Variants in WDPCP observed in about 807,000 individuals in gnomAD.
The protein encoded by WDPCP is WD repeat-containing and planar cell polarity effector protein fritz homolog.
WDPCP carries 71 observed loss-of-function variants against 93.1 expected under a neutral mutation model. The ratio of observed to expected loss-of-function variants is 0.76; its 90% confidence interval spans 0.63 to 0.93. The LOEUF is 0.93. Ranked by LOEUF, WDPCP falls within the 40% of genes least tolerant of loss-of-function variation. The probability of loss-of-function intolerance (pLI) is 0.00; values close to 1 mark genes in which losing one functional copy is unlikely to be tolerated. For synonymous variants in WDPCP, 315 were observed against 315.0 expected (o/e 1.00, Z 0.00); for missense variants, 844 against 887.4 (o/e 0.95, Z 0.62).
rs547296330 is a variant in WDPCP at position 63,825,062 on chromosome 2, C to T, written n.222+2560G>A. ...TTTAAGACCTTAATAAATTTGGGCG[C>T]GAGATAAATTTTTAAAATTACAAAA... On this transcript the variant is annotated intron_variant and non_coding_transcript_variant, in intron 1 of 4. Transcript: ENST00000467687. Among the ~76,000 whole-genome samples the T allele has an allele frequency of 5.9e-5, 9 of 151,914 alleles. 1 individual carries two copies. Among genetic ancestry groups the T allele is most frequent in the East Asian group, 1.9e-4 (1 of 5,198 alleles).
intron 13 of WDPCP, among the ~76,000 whole-genome samples, chr2:63,262,070 T>G (rs1681676790): frequency 6.6e-6 from 1 of 152,182 alleles, no homozygotes. Flanking sequence ...TATACTTTTT[T>G]CAACTTTGCT....
intron 3 of WDPCP, among the ~76,000 whole-genome samples, chr2:63,633,421 A>C (rs888651709): frequency 6.6e-6 from 1 of 152,214 alleles, no homozygotes; most frequent in South Asian, 2.1e-4. Flanking sequence ...ATAATATAAA[A>C]ACAAAAAATG....
intron 2 of WDPCP, among the ~76,000 whole-genome samples, chr2:63,710,277 C>T (rs1308682576): frequency 6.6e-6 from 1 of 152,138 alleles, no homozygotes; most frequent in East Asian, 1.9e-4. Context: ...TTCCTCCCCA[C>T]CAGGGTGCCC....
intron 2 of WDPCP, among the ~76,000 whole-genome samples, chr2:63,731,239 T>C (rs976354184): frequency 6.9e-6 from 1 of 144,974 alleles, no homozygotes; most frequent in Non-Finnish European, 1.5e-5. Context: ...ACTGCACCCC[T>C]GCATGGCAAC....
intron 2 of WDPCP, among the ~76,000 whole-genome samples, chr2:63,768,619 G>C (rs948578397): frequency 6.6e-6 from 1 of 152,022 alleles, no homozygotes; most frequent in African/African-American, 2.4e-5. Flanking sequence ...TGTACAGCCA[G>C]AGTTGTGAAC....
intron 12 of WDPCP, among the ~76,000 whole-genome samples, chr2:63,332,660 T>C (rs945133201): frequency 4.6e-5 from 7 of 152,248 alleles, no homozygotes; most frequent in Non-Finnish European, 1.0e-4. Context: ...ATCAGATACA[T>C]ATATTGAGAA....
chr2:63,499,026 C>A (rs559166433), intron 1 of WDPCP, among the ~76,000 whole-genome samples: 16 of 152,150 alleles, frequency 1.1e-4, no homozygotes, highest in Non-Finnish European at 2.1e-4. Context: ...TTAAATATCA[C>A]AATTTGAGCA....
At chr2:63,504,324 T>TTGTG (rs60202196) in intron 1 of WDPCP, among the ~76,000 whole-genome samples, 15,819 of 137,906 alleles carry the variant, frequency 0.11, 912 homozygotes, top group African/African-American at 0.13. Context: ...ACGTACTAAA[T>TTGTG]TGTGTGTGTG....
chr2:63,236,551 G>C (rs1679409794), intron 14 of WDPCP, among the ~76,000 whole-genome samples: 1 of 152,124 alleles, frequency 6.6e-6, no homozygotes, highest in Admixed American at 6.6e-5. Flanking sequence ...TAAAGCTGGA[G>C]GCATCAGACT....
chr2:63,657,670 G>T (rs1489258755), intron 2 of WDPCP, among the ~76,000 whole-genome samples: 1 of 152,124 alleles, frequency 6.6e-6, no homozygotes, highest in Non-Finnish European at 1.5e-5. Context: ...GAGATATACT[G>T]GCATTTCCCA....
intron 2 of WDPCP, among the ~76,000 whole-genome samples, chr2:63,791,535 G>A (rs1278307619): frequency 6.6e-6 from 1 of 152,126 alleles, no homozygotes; most frequent in Non-Finnish European, 1.5e-5. Context: ...CTAAAGCCAT[G>A]GAAATGGTGC....
chr2:63,585,070 C>T (rs1315418903), intron 1 of WDPCP, among the ~76,000 whole-genome samples: 1 of 152,128 alleles, frequency 6.6e-6, no homozygotes, highest in Non-Finnish European at 1.5e-5. Flanking sequence ...TTCACCATTC[C>T]TGAAAATTCC....
chr2:63,605,993 G>C, intron 3 of WDPCP: 1 of 1,614,144 alleles, frequency 6.2e-7, no homozygotes, highest in Non-Finnish European at 8.5e-7. Flanking sequence ...TGGTGTTCCT[G>C]ATGATCTGCT....
chr2:63,640,481 G>A (rs1278375225), intron 3 of WDPCP, among the ~76,000 whole-genome samples: 1 of 152,142 alleles, frequency 6.6e-6, no homozygotes, highest in African/African-American at 2.4e-5. Context: ...GCAAAAGAGT[G>A]AGACTCTCTG....
At chr2:63,509,438 T>G (rs562086407) in intron 1 of WDPCP, among the ~76,000 whole-genome samples, 79 of 152,022 alleles carry the variant, frequency 5.2e-4, no homozygotes, top group Non-Finnish European at 5.6e-4. Context: ...AAACCAGTGT[T>G]TAGAGGAAAA....
chr2:63,819,863 G>T (rs887657729), intron 1 of WDPCP, among the ~76,000 whole-genome samples: 1 of 152,122 alleles, frequency 6.6e-6, no homozygotes, highest in African/African-American at 2.4e-5. Context: ...TTAGACAGGG[G>T]TCAGCCTTCC....
At chr2:63,685,828 T>C (rs1668798642) in intron 2 of WDPCP, among the ~76,000 whole-genome samples, 1 of 152,086 alleles carries the variant, frequency 6.6e-6, no homozygotes, top group Non-Finnish European at 1.5e-5. Context: ...GTGATACATA[T>C]TACATCAAGA....
intron 3 of WDPCP, chr2:63,595,435 G>A: frequency 6.2e-7 from 1 of 1,608,312 alleles, no homozygotes; most frequent in Non-Finnish European, 8.5e-7. Context: ...TATAATTCTT[G>A]TGCTGTTGGA....
At chr2:63,596,606 T>TA (rs1238464654) in intron 3 of WDPCP, among the ~76,000 whole-genome samples, 1 of 151,778 alleles carries the variant, frequency 6.6e-6, no homozygotes, top group East Asian at 1.9e-4. Flanking sequence ...AGGAAGATAA[T>TA]TTTTTTTTCT....
Sources: gnomAD v4.1 joint callset for allele counts (sites outside exome capture counted in the v4.1 genomes callset) on GRCh38, gnomAD v4.1.1 for gene constraint, MANE v1.5 for transcripts, NCBI Gene and HGNC (gene_info 2026-07-23, HGNC 2026-07-21) for gene names.